The following CNOT4 variants were observed in gnomAD, a reference collection of about 807,000 sequenced individuals.
CNOT4 encodes the protein CCR4-associated factor 4.
A neutral mutation model predicts 73.8 loss-of-function variants in CNOT4; 8 were observed. The ratio of observed to expected loss-of-function variants is 0.11; its 90% CI spans 0.06 to 0.20. The LOEUF is 0.20. CNOT4 is among the 10% of genes least tolerant of loss of function. The pLI is 1.00. For missense variants in CNOT4, 564 were observed against 883.4 expected, an observed-to-expected ratio of 0.64 and a Z score of 4.58; for synonymous variants, 293 against 321.1, an observed-to-expected ratio of 0.91 and a Z score of 0.94.
intron 1 of CNOT4, among the ~76,000 whole-genome samples, chr7:135,466,614 T>C (rs1289490201): frequency 6.6e-6 from 1 of 152,164 alleles, no homozygotes; most frequent in African/African-American, 2.4e-5. Context: ...TGTACAGTAA[T>C]GTCCTAGGCC....
chr7:135,495,926 C>G (rs1400830438), intron 1 of CNOT4, among the ~76,000 whole-genome samples: 1 of 151,922 alleles, frequency 6.6e-6, no homozygotes, highest in Non-Finnish European at 1.5e-5. Flanking sequence ...AAAGGAAGAT[C>G]CTGTCTCTAA....
chr7:135,494,808 A>C (rs758657607), intron 1 of CNOT4, among the ~76,000 whole-genome samples: 1 of 152,192 alleles, frequency 6.6e-6, no homozygotes, highest in Non-Finnish European at 1.5e-5. Flanking sequence ...AGTTTTCTCC[A>C]ATAACATCCA....
intron 6 of CNOT4, among the ~76,000 whole-genome samples, chr7:135,412,347 T>A (rs1316188948): frequency 6.6e-6 from 1 of 151,930 alleles, no homozygotes; most frequent in Non-Finnish European, 1.5e-5. Flanking sequence ...GTGGGACTTG[T>A]AAATTCTGAT....
intron 1 of CNOT4, among the ~76,000 whole-genome samples, chr7:135,455,706 C>A (rs1022439288): frequency 6.6e-6 from 1 of 152,014 alleles, no homozygotes; most frequent in Non-Finnish European, 1.5e-5. Context: ...GAAACCCTAT[C>A]TCTACTAAAA....
chr7:135,398,535 C>T (rs930154510), intron 7 of CNOT4, among the ~76,000 whole-genome samples: 3 of 151,628 alleles, frequency 2.0e-5, no homozygotes, highest in African/African-American at 7.3e-5. Flanking sequence ...GGGTGTTCGC[C>T]CAATAAGTAT....
chr7:135,391,686 G>A (rs1337876015), intron 10 of CNOT4, among the ~76,000 whole-genome samples: 1 of 151,874 alleles, frequency 6.6e-6, no homozygotes, highest in African/African-American at 2.4e-5. Flanking sequence ...CTAACACAAG[G>A]ACAACTAAAC....
intron 1 of CNOT4, among the ~76,000 whole-genome samples, chr7:135,468,010 T>C (rs1170185721): frequency 1.3e-5 from 2 of 151,224 alleles, no homozygotes; most frequent in Non-Finnish European, 3.0e-5. Flanking sequence ...GGTCAGAAGA[T>C]TGAGACCATC....
intron 1 of CNOT4, among the ~76,000 whole-genome samples, chr7:135,486,975 T>C (rs1041782793): frequency 2.6e-5 from 4 of 152,172 alleles, no homozygotes; most frequent in African/African-American, 9.7e-5. Flanking sequence ...GTAAAATTTT[T>C]GTTTCAGTCT....
intron 1 of CNOT4, among the ~76,000 whole-genome samples, chr7:135,489,714 T>G (rs1046473594): frequency 6.6e-6 from 1 of 152,124 alleles, no homozygotes; most frequent in Non-Finnish European, 1.5e-5. Flanking sequence ...ACATTTCCTG[T>G]GCTCAGTAGT....
intron 10 of CNOT4, among the ~76,000 whole-genome samples, chr7:135,381,555 T>C (rs996845935): frequency 6.6e-6 from 1 of 152,220 alleles, no homozygotes; most frequent in Non-Finnish European, 1.5e-5. Flanking sequence ...AGTACTGCTA[T>C]GCAGAAATAC....
Position 135,371,441 on chromosome 7 carries a change from C to T in CNOT4, c.1628-7375G>A, listed in dbSNP as rs374743779. 7.9e-5 allele frequency among the ~76,000 whole-genome samples: 12 copies of T among 152,074 alleles called. No homozygotes were observed. In the East Asian group the frequency reaches 9.7e-4, roughly 12 times the overall value. On this transcript the variant is annotated intron_variant, in intron 10 of 11. Transcript: ENST00000541284. ...TGCATTCTACATATAGGATAAACGG[C>T]AAATAAGAAAACATCAGAGGAAAAG...
At chr7:135,447,865 T>C (rs1799924262) in intron 1 of CNOT4, among the ~76,000 whole-genome samples, 1 of 152,162 alleles carries the variant, frequency 6.6e-6, no homozygotes, top group African/African-American at 2.4e-5. Context: ...GAGAGTCGTA[T>C]GGATCTGGCT....
At chr7:135,476,126 A>G (rs1801977742) in intron 1 of CNOT4, among the ~76,000 whole-genome samples, 1 of 152,218 alleles carries the variant, frequency 6.6e-6, no homozygotes. Flanking sequence ...ATACATCACT[A>G]CAATATCTAT....
intron 3 of CNOT4, among the ~76,000 whole-genome samples, chr7:135,418,384 T>C (rs1447282883): frequency 6.6e-6 from 1 of 152,206 alleles, no homozygotes; most frequent in African/African-American, 2.4e-5. Context: ...TGGGCCAATT[T>C]TCCTACTAAC....
intron 1 of CNOT4, among the ~76,000 whole-genome samples, chr7:135,480,661 G>A (rs1243594178): frequency 2.6e-5 from 4 of 152,138 alleles, no homozygotes; most frequent in African/African-American, 9.7e-5. Context: ...TAGAACCATT[G>A]CAGAGGCATT....
At chr7:135,495,504 CAAAA>C (rs150007748) in intron 1 of CNOT4, among the ~76,000 whole-genome samples, 2 of 54,712 alleles carry the variant, frequency 3.7e-5, no homozygotes, top group Admixed American at 5.7e-4. Context: ...GACTCTGCCT[CAAAA>C]AAAAAAAAAA....
intron 1 of CNOT4, among the ~76,000 whole-genome samples, chr7:135,467,991 G>A (rs1801328302): frequency 1.3e-5 from 2 of 152,102 alleles, no homozygotes; most frequent in Non-Finnish European, 1.5e-5. Context: ...CGAGACGGGC[G>A]GCTCACGAGG....
chr7:135,461,999 A>G lies in CNOT4; in HGVS notation c.-92-23576T>C, dbSNP rs574626572. 1.2e-3 allele frequency among the ~76,000 whole-genome samples: 186 copies of G among 152,234 alleles called. 3 individuals are homozygous for G. The highest frequency in any genetic ancestry group is 4.1e-3 in the African/African-American group (169 of 41,552). On this transcript the variant is annotated intron_variant, in intron 1 of 11. Coordinates refer to ENST00000541284, the MANE Select transcript of CNOT4 (RefSeq NM_001190850.2). ...AAGGATAAGAACTGCGACAGTCCAG[A>G]GATTTATTAAAAGAAAGAATATCCG...
chr7:135,462,594 T>C (rs981169830), intron 1 of CNOT4, among the ~76,000 whole-genome samples: 4 of 152,236 alleles, frequency 2.6e-5, no homozygotes, highest in Admixed American at 6.5e-5. Context: ...CCATTACAGC[T>C]TCTGAAGATT....
Sources: allele counts gnomAD v4.1 joint callset (sites outside exome capture counted in the v4.1 genomes callset), GRCh38; gene constraint gnomAD v4.1.1; transcripts MANE v1.5; gene names NCBI Gene and HGNC (gene_info 2026-07-23, HGNC 2026-07-21).